Variants in MUC4 observed in about 807,000 individuals in gnomAD.
MUC4 encodes mucin-4.
MUC4 carries 202 observed loss-of-function variants against 257.9 expected under a neutral mutation model. That is an observed-to-expected ratio of 0.78 (90% CI 0.70 to 0.88). The LOEUF is 0.88. Ranked by LOEUF, MUC4 falls within the 40% of genes least tolerant of loss-of-function variation. The pLI, the probability that MUC4 is intolerant of heterozygous loss-of-function variation, is 0.00. For missense variants in MUC4, 5,976 were observed against 6,513.7 expected, an observed-to-expected ratio of 0.92 and a Z score of 2.84; for synonymous variants, 2,351 against 2,757.1, an observed-to-expected ratio of 0.85 and a Z score of 4.62.
rs781582657 is a variant in MUC4, at chr3:195,782,461, G to T, written c.9119C>A (p.Pro3040Gln). The change falls in exon 2 of 25, where the codon CCG becomes CAG. Residue 3040 changes from proline (P) to glutamine (Q), a missense_variant. Physicochemically the swap from Pro to Gln is moderately conservative, Grantham distance 76. Transcript: ENST00000463781. The stretch of plus-strand genomic sequence containing the variant: ...TGAGGAAGTGTCGGTGACAGGAAGC[G>T]GGGTGGCGTGACCGGTGGATGCTGA... ...PSSASTGHAT[P>Q]LPVTDTSSAS... The T allele has an allele frequency of 1.3e-6, 2 of 1,493,024 alleles. No homozygotes were observed. Among genetic ancestry groups the T allele is most frequent in the Admixed American group, 2.1e-5 (1 of 48,232 alleles). 92.5% of individuals were successfully genotyped at this position (1,493,024 alleles called of 1,614,324 possible).
Position 195,769,101 on chromosome 3 carries a change from G to C in MUC4, c.13450C>G (p.Leu4484Val). ...ATCCCACCGCTCTGGTAGAGAAACAGGGCATAGGACCTGCTCCCGTCCGTG... is the reference window on the plus strand; with the variant it reads ...ATCCCACCGCTCTGGTAGAGAAACACGGCATAGGACCTGCTCCCGTCCGTG... ...LSTDGSRSYA[L>V]FLYQSGGMQW... is the part of the protein sequence containing the mutation. Residue 4484 changes from leucine to valine, a missense_variant, in exon 7 of 25, where the codon CTG (leucine) becomes GTG (valine). Leu to Val is a conservative substitution (Grantham distance 32). This residue lies in a region of MUC4 where 996 missense variants were observed against 1,137.3 expected (regional missense o/e 0.88). Coordinates refer to ENST00000463781, the MANE Select transcript of MUC4 (RefSeq NM_018406.7). The C allele has an allele frequency of 6.2e-7, 1 of 1,614,166 alleles. No homozygotes were observed. Among genetic ancestry groups the C allele is most frequent in the Non-Finnish European group, 8.5e-7 (1 of 1,180,022 alleles).
rs59408218 is a variant in MUC4 at position 195,788,679 on chromosome 3, G to T, written c.2901C>A (p.Thr967=). The change falls in exon 2 of 25, where the codon ACC becomes ACA. Residue 967 remains threonine, a synonymous_variant. Transcript: ENST00000463781. ...GGGTGGCGTTGCTGATGAGGGCCGTGGTGAAGGTTTTACCAGACCCTGAAG... is the reference window on the plus strand; with the variant it reads ...GGGTGGCGTTGCTGATGAGGGCCGTTGTGAAGGTTTTACCAGACCCTGAAG... ...LSPSGSGKTF[T]TALISNATPL... 7 of 1,603,898 alleles carry T rather than the reference G, an allele frequency of 4.4e-6. No individual in the cohort carries two copies. The highest frequency in any genetic ancestry group is 2.2e-5 in the South Asian group (2 of 89,908).
intron 18 of MUC4, among the ~76,000 whole-genome samples, chr3:195,756,666 CT>C (rs1305799514): frequency 1.2e-5 from 1 of 83,010 alleles, no homozygotes; most frequent in Non-Finnish European, 2.4e-5. Flanking sequence ...CTTTTCTTTT[CT>C]TTTCTTTCTT....
chr3:195,751,403 C>T, intron 21 of MUC4, 132 bp from the exon 22 acceptor site: 1 of 714,252 alleles, frequency 1.4e-6, no homozygotes, highest in South Asian at 1.6e-5. Flanking sequence ...GCACCTTCCT[C>T]ACCTGTCTCT....
At chr3:195,794,375 G>C (rs28363805) in intron 1 of MUC4, among the ~76,000 whole-genome samples, 33 of 90,828 alleles carry the variant, frequency 3.6e-4, no homozygotes, top group African/African-American at 1.5e-3. Flanking sequence ...TATATATATA[G>C]AGAGAGAGAG....
At position 195,757,992 on chromosome 3, in the gene MUC4, G is replaced by A. The variant is rs115274835; in HGVS notation, c.14987-664C>T. Among the ~76,000 whole-genome samples the A allele has an allele frequency of 0.012, 1,808 of 152,332 alleles. 14 individuals carry two copies. Among genetic ancestry groups the A allele is most frequent in the Non-Finnish European group, 0.018 (1,214 of 68,028 alleles). ...GCCATTGTCTCGCACCTGGGAGGAC[G>A]CACATGGGGCAAAAGGGATGCAGGC... On this transcript the variant is annotated intron_variant, in intron 17 of 24. Transcript: ENST00000463781. This position sits in a 1 kb window ranked among gnomAD's most constrained non-coding sequence, Gnocchi z 4.8.
chr3:195,759,286 G>A (rs1296243839), intron 16 of MUC4, 25 bp from the exon 17 acceptor site: 2 of 1,611,358 alleles, frequency 1.2e-6, no homozygotes, highest in East Asian at 2.2e-5. Context: ...GGGAATGGGG[G>A]TTCCGAGGCA....
At chr3:195,770,604 G>C (rs1701121538) in intron 5 of MUC4, 3 of 578,762 alleles carry the variant, frequency 5.2e-6, no homozygotes, top group Non-Finnish European at 9.2e-6. Flanking sequence ...AGACGTCCAA[G>C]ACCTCTGGAC....
intron 1 of MUC4, among the ~76,000 whole-genome samples, chr3:195,800,787 T>G (rs1180412469): frequency 6.6e-6 from 1 of 150,920 alleles, no homozygotes; most frequent in East Asian, 1.9e-4. Context: ...CTGGGCATGG[T>G]AGCTCATGCC....
In MUC4 at chr3:195,780,303, G is replaced by T. The variant is rs879439574; in HGVS notation, c.11277C>A (p.Thr3759=). 2 of 1,514,144 alleles carry T rather than the reference G, an allele frequency of 1.3e-6. No homozygotes were observed. Among genetic ancestry groups the T allele is most frequent in the Non-Finnish European group, 1.8e-6 (2 of 1,117,678 alleles). 93.8% of individuals were successfully genotyped at this position (1,514,144 alleles called of 1,614,324 possible). A position where few individuals can be genotyped will look rare whatever the true frequency, so the allele number is the denominator to read the frequency against. The change falls in exon 2 of 25, where the codon ACC becomes ACA. Residue 3759 remains threonine, a synonymous_variant. Transcript: ENST00000463781. The stretch of plus-strand genomic sequence containing the variant: ...AGGAAGCGTCGGTGACAAGAAGAGG[G>T]GTGGCGTGACCTGTGGATGCTGAGG... The part of the protein sequence containing the change: ...STSSASTGHA[T]PLLVTDASSV...
rs766543239 is a variant in MUC4, at chr3:195,789,621, C to T, written c.1959G>A (p.Arg653=). 4 of 1,613,774 alleles carry T rather than the reference C, an allele frequency of 2.5e-6. No individual in the cohort carries two copies. In the African/African-American group the frequency reaches 5.3e-5, roughly 22 times the overall value. The change falls in exon 2 of 25, where the codon AGG becomes AGA. Residue 653 remains arginine, a synonymous_variant. Coordinates refer to ENST00000463781, the MANE Select transcript of MUC4 (RefSeq NM_018406.7). The part of the protein sequence containing the change: ...PQTTQESQTT[R]SVSPMTDTKT... ...TGGTGTCAGTCATGGGGGAGACGGACCTCGTGGTTTGTGATTCTTGTGTGG... is the reference window on the plus strand; with the variant it reads ...TGGTGTCAGTCATGGGGGAGACGGATCTCGTGGTTTGTGATTCTTGTGTGG...
At chr3:195,805,798 T>A in intron 1 of MUC4, among the ~76,000 whole-genome samples, 1 of 151,630 alleles carries the variant, frequency 6.6e-6, no homozygotes, top group East Asian at 2.0e-4. Context: ...TGCCTGGCCT[T>A]GTCTGTCATT....
At chr3:195,794,091 T>A (rs1038281070) in intron 1 of MUC4, among the ~76,000 whole-genome samples, 9 of 141,436 alleles carry the variant, frequency 6.4e-5, no homozygotes, top group Non-Finnish European at 1.1e-4. Context: ...AAAATAAAAA[T>A]AATAATAATA....
chr3:195,781,132 G>A lies in MUC4; in HGVS notation c.10448C>T (p.Thr3483Ile), dbSNP rs774063587. 40 of 1,467,546 alleles carry A rather than the reference G, an allele frequency of 2.7e-5. 1 individual carries two copies. The highest frequency in any genetic ancestry group is 4.2e-5 in the Admixed American group (2 of 47,618). 90.9% of individuals were successfully genotyped at this position (1,467,546 alleles called of 1,614,324 possible). The change falls in exon 2 of 25, where the codon ACA becomes ATA. Residue 3483 changes from threonine (T) to isoleucine (I), a missense_variant. By Grantham distance (89) the Thr-to-Ile change is moderately conservative. Around this residue, in one of 44 missense-constraint regions of MUC4, gnomAD observed 297 missense variants for 240.9 expected, o/e 1.23. Transcript: ENST00000463781. Reference protein sequence around the residue: ...LPVTSPSSASTGHTTPLHVTI... With the variant: ...LPVTSPSSASIGHTTPLHVTI... ...GACATGAAGAGGGGTGGTGTGACCT[G>A]TAGATGCTGAGGAAGGGCTGGTGAC...
At chr3:195,756,882 C>T (rs910490708) in intron 18 of MUC4, among the ~76,000 whole-genome samples, 10 of 152,174 alleles carry the variant, frequency 6.6e-5, no homozygotes, top group African/African-American at 2.2e-4. Flanking sequence ...AGGATGGTCT[C>T]GATCTCCTGA....
Position 195,785,599 on chromosome 3 carries a change from G to T in MUC4, c.5981C>A (p.Ser1994Tyr). 1 of 1,537,976 alleles carries T rather than the reference G, an allele frequency of 6.5e-7. No homozygotes were observed. Among genetic ancestry groups the T allele is most frequent in the Non-Finnish European group, 8.8e-7 (1 of 1,140,648 alleles). Residue 1994 changes from serine (S) to tyrosine (Y), a missense_variant, in exon 2 of 25, where the codon TCC becomes TAC. Ser to Tyr is a moderately radical substitution (Grantham distance 144, BLOSUM62 -2). Transcript: ENST00000463781. ...CGGAAGAGGGGTGGCATGACCTGTG[G>T]ACACTGAGGAAGCGTCGGTGACAGG... ...PLPVTDASSV[S>Y]TGHATPLPVT...
At chr3:195,767,654 C>A (rs1423265472) in intron 7 of MUC4, among the ~76,000 whole-genome samples, 3 of 88,132 alleles carry the variant, frequency 3.4e-5, no homozygotes, top group Non-Finnish European at 6.0e-5. Context: ...GCCACCACCA[C>A]CACCACCACC....
chr3:195,767,424 TACCATCACCATC>T (rs377256431), intron 7 of MUC4, among the ~76,000 whole-genome samples: 1 of 69,320 alleles, frequency 1.4e-5, no homozygotes, highest in Non-Finnish European at 3.1e-5. Flanking sequence ...CCACCAACAC[TACCATCACCATC>T]ACCATCACCA....
chr3:195,766,962 C>T (rs1720645998), intron 7 of MUC4, among the ~76,000 whole-genome samples: 1 of 152,176 alleles, frequency 6.6e-6, no homozygotes. Flanking sequence ...AGGCTCTAAC[C>T]GATTCCACAT....
Sources: gnomAD v4.1 joint callset for allele counts (sites outside exome capture counted in the v4.1 genomes callset) on GRCh38, gnomAD v4.1.1 for gene constraint, gnomAD v4.1.1 regional missense constraint, Gnocchi (gnomAD v3.1) non-coding constraint, MANE v1.5 for transcripts, NCBI Gene and HGNC (gene_info 2026-07-23, HGNC 2026-07-21) for gene names.